SDF4: variants seen among roughly 807,000 people sequenced by gnomAD.
The protein encoded by SDF4 is stromal cell derived factor 4.
SDF4 carries 22 observed loss-of-function variants against 34.2 expected under a neutral mutation model. The ratio of observed to expected loss-of-function variants is 0.64; its 90% CI spans 0.46 to 0.92. SDF4 has a LOEUF of 0.92. Ranked by LOEUF, SDF4 falls within the 40% of genes least tolerant of loss-of-function variation. The probability of loss-of-function intolerance (pLI) is 0.00; values close to 1 mark genes in which losing one functional copy is unlikely to be tolerated. For missense variants in SDF4, 447 were observed against 499.9 expected, an observed-to-expected ratio of 0.89 and a Z score of 1.01; for synonymous variants, 236 against 203.1, an observed-to-expected ratio of 1.16 and a Z score of -1.38.
intron 2 of SDF4, 37 bp downstream of exon 2, chr1:1,228,431 G>GGACA (rs147694774): frequency 0.084 from 131,605 of 1,558,898 alleles, 17,165 homozygotes; most frequent in East Asian, 0.52. Flanking sequence ...GAGCGCACGC[G>GGACA]GACAGCCCCC....
At chr1:1,219,567 G>C (rs888362396) in intron 4 of SDF4, 1 of 988,928 alleles carries the variant, frequency 1.0e-6, no homozygotes, top group African/African-American at 1.7e-5. Context: ...ACTGAGACTG[G>C]GGCTGAGCAG....
In SDF4 at chr1:1,217,918, C is replaced by G. The variant is rs1309942913; in HGVS notation, c.892-230G>C. On this transcript the variant is annotated intron_variant, in intron 6 of 6. Transcript: ENST00000360001. This position sits in a 1 kb window ranked among gnomAD's most constrained non-coding sequence, Gnocchi z 8.5. ...GGGGTAACGGGGCACAGGGGCTACACAGGCCTGGACCCCAGTTCTGAAGGA... is the reference window on the plus strand; with the variant it reads ...GGGGTAACGGGGCACAGGGGCTACAGAGGCCTGGACCCCAGTTCTGAAGGA... 1 of 1,178,706 alleles carries G rather than the reference C, an allele frequency of 8.5e-7. No individual in the cohort carries two copies. Among genetic ancestry groups the G allele is most frequent in the Non-Finnish European group, 1.1e-6 (1 of 870,514 alleles). The allele number at this position is 1,178,706 out of a possible 1,614,324, so 73.0% of individuals were successfully genotyped here.
intron 4 of SDF4, chr1:1,220,989 T>G (rs974636917): frequency 2.8e-6 from 1 of 352,736 alleles, no homozygotes; most frequent in African/African-American, 2.1e-5. Context: ...GCACTGGGGC[T>G]TGTGCCTGTA....
At chr1:1,220,115 G>A in intron 4 of SDF4, 1 of 987,378 alleles carries the variant, frequency 1.0e-6, no homozygotes, top group Non-Finnish European at 1.2e-6. Context: ...CTCCAGCACA[G>A]GATTCTCACA....
At chr1:1,222,256 C>A (rs938759970) in intron 4 of SDF4, among the ~76,000 whole-genome samples, 1 of 152,246 alleles carries the variant, frequency 6.6e-6, no homozygotes, top group Non-Finnish European at 1.5e-5. Context: ...GCCACGGTAC[C>A]CGCTCAGCTG....
At chr1:1,227,261 C>T (rs1029714655) in intron 2 of SDF4, 3 of 153,366 alleles carry the variant, frequency 2.0e-5, no homozygotes, top group East Asian at 3.9e-4. Context: ...TGCCACCTGC[C>T]CCTCTGCACT....
chr1:1,230,356 C>A (rs1053720972), intron 1 of SDF4, among the ~76,000 whole-genome samples: 3 of 152,170 alleles, frequency 2.0e-5, no homozygotes, highest in Non-Finnish European at 4.4e-5. Flanking sequence ...CCAGTGGGGC[C>A]GCCATGAAAG....
At chr1:1,220,337 C>A in intron 4 of SDF4, 1 of 1,104,908 alleles carries the variant, frequency 9.1e-7, no homozygotes, top group South Asian at 2.3e-5. Context: ...TGCCCGCCTG[C>A]CACGCCTTCA....
At chr1:1,225,982 A>G (rs111698464) in intron 2 of SDF4, among the ~76,000 whole-genome samples, 17,467 of 152,302 alleles carry the variant, frequency 0.11, 1,146 homozygotes, top group East Asian at 0.17. Context: ...GCCGGTACCC[A>G]CGTGTACACA....
Position 1,223,231 on chromosome 1 carries a change from G to A in SDF4, c.556+13C>T. 1 of 1,585,886 alleles carries A rather than the reference G, an allele frequency of 6.3e-7. No homozygotes were observed. Among genetic ancestry groups the A allele is most frequent in the South Asian group, 1.1e-5 (1 of 90,530 alleles). ...GCCTGAGACCGGTGGCGGGAGCCTG[G>A]CTGAGCACTCACTTTCCTCATCCAC... On this transcript the variant is annotated intron_variant, in intron 4 of 6. Coordinates refer to ENST00000360001, the MANE Select transcript of SDF4 (RefSeq NM_016176.6).
rs1649693869 is a variant in SDF4 at position 1,218,720 on chromosome 1, C to T, written c.715+49G>A. On this transcript the variant is annotated intron_variant, in intron 5 of 6. Transcript: ENST00000360001. The surrounding 1 kb of genome is among the most constrained non-coding windows in gnomAD (Gnocchi z 7.9). Reference sequence around the variant, plus strand: ...CCTCCCGACGATGCCCGGCCCCTGCCAGTCGGTCCTGGGTCCTGGCGTGCC... The same window carrying T: ...CCTCCCGACGATGCCCGGCCCCTGCTAGTCGGTCCTGGGTCCTGGCGTGCC... 6.2e-7 allele frequency: 1 copy of T among 1,611,920 alleles called. No individual in the cohort carries two copies. Among genetic ancestry groups the T allele is most frequent in the Non-Finnish European group, 8.5e-7 (1 of 1,178,902 alleles).
chr1:1,228,880 C>T lies in SDF4; in HGVS notation c.-108G>A. 9.6e-7 allele frequency: 1 copy of T among 1,042,920 alleles called. No individual in the cohort carries two copies. Among genetic ancestry groups the T allele is most frequent in the Non-Finnish European group, 1.4e-6 (1 of 729,150 alleles). 64.6% of individuals were successfully genotyped at this position (1,042,920 alleles called of 1,614,324 possible). A position where few individuals can be genotyped will look rare whatever the true frequency, so the allele number is the denominator to read the frequency against. On this transcript the variant is annotated 5_prime_UTR_variant, in exon 2 of 7. Transcript: ENST00000360001. ...AGTGAGGTCCTGGCTCCAATCCAATCCCCGGGCACCACGGAGGGCTCTGTG... is the reference window on the plus strand; with the variant it reads ...AGTGAGGTCCTGGCTCCAATCCAATTCCCGGGCACCACGGAGGGCTCTGTG...
intron 4 of SDF4, chr1:1,220,413 C>G: frequency 2.5e-6 from 3 of 1,176,660 alleles, no homozygotes; most frequent in Middle Eastern, 7.9e-4. Context: ...CGGTGACCCT[C>G]GCAGGAGCCA....
intron 1 of SDF4, among the ~76,000 whole-genome samples, chr1:1,229,412 G>C (rs1385281434): frequency 6.6e-6 from 1 of 152,194 alleles, no homozygotes; most frequent in Non-Finnish European, 1.5e-5. Context: ...GGGTCTCGCT[G>C]TATTGCTCAG....
At chr1:1,224,356 T>A (rs1638230362) in intron 2 of SDF4, among the ~76,000 whole-genome samples, 1 of 152,244 alleles carries the variant, frequency 6.6e-6, no homozygotes, top group South Asian at 2.1e-4. Context: ...CTTTGCTCAC[T>A]GCAACCTCCG....
intron 1 of SDF4, among the ~76,000 whole-genome samples, chr1:1,231,685 G>C (rs1638506831): frequency 6.6e-6 from 1 of 152,036 alleles, no homozygotes; most frequent in South Asian, 2.1e-4. Context: ...CGGCCGGGGA[G>C]GCCAGCGTCG....
intron 4 of SDF4, chr1:1,220,256 G>A (rs1351375026): frequency 1.5e-5 from 16 of 1,034,754 alleles, no homozygotes; most frequent in East Asian, 1.8e-4. Context: ...GAGAGTCAAC[G>A]ACTGCTGTCC....
rs116630076 is a variant in SDF4 at position 1,219,635 on chromosome 1, C to T, written c.557-708G>A. 2.7e-3 allele frequency: 2,637 copies of T among 986,306 alleles called. 41 individuals are homozygous for T. The African/African-American group carries it at 0.038, about 14-fold the overall frequency. 61.1% of individuals were successfully genotyped at this position (986,306 alleles called of 1,614,324 possible). On this transcript the variant is annotated intron_variant, in intron 4 of 6. Transcript: ENST00000360001. ...GCACTGCCTCTGGGTGTGTGGCCCC[C>T]GCTCTCCTGCCGTGCCCACCCGGCC... is the stretch of plus-strand genomic sequence containing the variant.
Position 1,230,360 on chromosome 1 carries a change from A to G in SDF4, c.-174-1414T>C, listed in dbSNP as rs376828946. 3.9e-5 allele frequency among the ~76,000 whole-genome samples: 6 copies of G among 152,364 alleles called. No individual in the cohort carries two copies. The South Asian group carries it at 1.2e-3, about 32-fold the overall frequency. On this transcript the variant is annotated intron_variant, in intron 1 of 6. Transcript: ENST00000360001. ...ATCGAGAAACACCAGTGGGGCCGCC[A>G]TGAAAGTGGTCCTGAAGTCAGTGCA...
Sources: gnomAD v4.1 joint callset for allele counts (sites outside exome capture counted in the v4.1 genomes callset) on GRCh38, gnomAD v4.1.1 for gene constraint, Gnocchi (gnomAD v3.1) non-coding constraint, MANE v1.5 for transcripts, NCBI Gene and HGNC (gene_info 2026-07-23, HGNC 2026-07-21) for gene names.